Variants in SPOCK3 observed in about 807,000 individuals in gnomAD.
SPOCK3 encodes the protein SPARC (osteonectin), cwcv and kazal like domains proteoglycan 3.
A neutral mutation model predicts 56.6 loss-of-function variants in SPOCK3; 30 were observed. The ratio of observed to expected loss-of-function variants is 0.53; its 90% CI spans 0.40 to 0.72. The LOEUF is 0.72. Among genes scored for constraint, SPOCK3 ranks in the 30% least tolerant of loss-of-function variants. The probability of loss-of-function intolerance (pLI) is 0.00; values close to 1 mark genes in which losing one functional copy is unlikely to be tolerated. For missense variants in SPOCK3, 527 were observed against 530.0 expected, an observed-to-expected ratio of 0.99 and a Z score of 0.06; for synonymous variants, 196 against 183.3, an observed-to-expected ratio of 1.07 and a Z score of -0.56.
At chr4:167,068,929 T>A (rs1224175780) in intron 2 of SPOCK3, among the ~76,000 whole-genome samples, 1 of 151,944 alleles carries the variant, frequency 6.6e-6, no homozygotes. Context: ...GAAGTCTTCA[T>A]GGTGAACCTA....
chr4:167,018,768 TG>T (rs1750891906), intron 3 of SPOCK3, among the ~76,000 whole-genome samples: 1 of 151,998 alleles, frequency 6.6e-6, no homozygotes, highest in African/African-American at 2.4e-5. Context: ...TTGGTCCATT[TG>T]GAATAGCTTC....
chr4:167,076,469 A>G (rs1757195372), intron 2 of SPOCK3, among the ~76,000 whole-genome samples: 1 of 151,848 alleles, frequency 6.6e-6, no homozygotes, highest in Non-Finnish European at 1.5e-5. Context: ...TCTAAAAAAA[A>G]GAAAAGTCTA....
At chr4:166,961,223 T>C (rs10029747) in intron 4 of SPOCK3, among the ~76,000 whole-genome samples, 1,743 of 150,688 alleles carry the variant, frequency 0.012, 36 homozygotes, top group African/African-American at 0.041. Flanking sequence ...AAAAAACCTT[T>C]AAATACGTGA....
chr4:167,068,871 G>A (rs1756407643), intron 2 of SPOCK3, among the ~76,000 whole-genome samples: 1 of 151,886 alleles, frequency 6.6e-6, no homozygotes, highest in African/African-American at 2.4e-5. Context: ...TTCAAAGCAT[G>A]ATGGGAGCAA....
chr4:166,913,179 G>C lies in SPOCK3; in HGVS notation c.351-436C>G, dbSNP rs919015977. On this transcript the variant is annotated intron_variant, in intron 4 of 10. Coordinates refer to ENST00000357545, the MANE Select transcript of SPOCK3 (RefSeq NM_001040159.2). ...TAAAAGTAAGAGTGGCTTACTTTTAGAGAAAACAGAAATAAAGAATTACAA... is the reference window on the plus strand; with the variant it reads ...TAAAAGTAAGAGTGGCTTACTTTTACAGAAAACAGAAATAAAGAATTACAA... 2.6e-5 allele frequency among the ~76,000 whole-genome samples: 4 copies of C among 152,096 alleles called. No individual in the cohort carries two copies. The East Asian group carries it at 7.7e-4, about 29-fold the overall frequency.
At position 167,159,739 on chromosome 4, in the gene SPOCK3, C is replaced by T. The variant is rs755626925; in HGVS notation, c.189+74246G>A. Among the ~76,000 whole-genome samples, 20 of 152,128 alleles carry T rather than the reference C, an allele frequency of 1.3e-4. 1 individual carries two copies. Among genetic ancestry groups the T allele is most frequent in the African/African-American group, 2.4e-4 (10 of 41,534 alleles). Reference sequence around the variant, plus strand: ...TGGGATGCAAGGCTGATTCAACATACGCAAATCAATAAATGTAATCCAGCA... The same window carrying T: ...TGGGATGCAAGGCTGATTCAACATATGCAAATCAATAAATGTAATCCAGCA... On this transcript the variant is annotated intron_variant, in intron 2 of 10. Transcript: ENST00000357545.
At chr4:167,040,342 C>T (rs1753137719) in intron 3 of SPOCK3, among the ~76,000 whole-genome samples, 1 of 152,102 alleles carries the variant, frequency 6.6e-6, no homozygotes, top group Non-Finnish European at 1.5e-5. Flanking sequence ...GGATGTACCA[C>T]TTAATATAAA....
intron 2 of SPOCK3, among the ~76,000 whole-genome samples, chr4:167,097,740 GCA>G (rs1319419833): frequency 6.6e-6 from 1 of 151,726 alleles, no homozygotes; most frequent in Admixed American, 6.6e-5. Context: ...AAAAAGACAT[GCA>G]CACTCATGTC....
Position 166,840,778 on chromosome 4 carries a change from T to G in SPOCK3, c.589+48352A>C, listed in dbSNP as rs962642583. On this transcript the variant is annotated intron_variant, in intron 6 of 10. Transcript: ENST00000357545. ...ATCTTCCCAGAAGCAAAAGTTTTTTTTTTTTTTTTTTTTTTTTTTAGATGC... is the reference window on the plus strand; with the variant it reads ...ATCTTCCCAGAAGCAAAAGTTTTTTGTTTTTTTTTTTTTTTTTTTAGATGC... Among the ~76,000 whole-genome samples, 182 of 137,742 alleles carry G rather than the reference T, an allele frequency of 1.3e-3. 1 individual carries two copies. The highest frequency in any genetic ancestry group is 2.2e-3 in the Non-Finnish European group (144 of 64,482). The allele number at this position is 137,742 out of a possible 152,430, so 90.4% of individuals were successfully genotyped here.
chr4:166,738,966 G>C (rs1048095809), intron 9 of SPOCK3, among the ~76,000 whole-genome samples: 20 of 152,058 alleles, frequency 1.3e-4, no homozygotes, highest in African/African-American at 4.3e-4. Context: ...ATGATTTATA[G>C]TCCTTTGGGT....
chr4:166,886,456 A>G (rs1734209769), intron 6 of SPOCK3, among the ~76,000 whole-genome samples: 2 of 152,108 alleles, frequency 1.3e-5, no homozygotes, highest in Admixed American at 6.6e-5. Context: ...AGGGTTTAAA[A>G]CATGGAATTT....
At chr4:166,812,313 A>C (rs1223780348) in intron 6 of SPOCK3, among the ~76,000 whole-genome samples, 1 of 151,934 alleles carries the variant, frequency 6.6e-6, no homozygotes, top group Non-Finnish European at 1.5e-5. Flanking sequence ...GGTCTTCAAT[A>C]TTCTAACAAA....
chr4:167,010,692 T>C (rs1749950651), intron 3 of SPOCK3, among the ~76,000 whole-genome samples: 1 of 152,000 alleles, frequency 6.6e-6, no homozygotes, highest in South Asian at 2.1e-4. Context: ...AGGGGGAAAG[T>C]ATACCGACGG....
At chr4:166,981,894 G>T (rs755107999) in intron 4 of SPOCK3, among the ~76,000 whole-genome samples, 6 of 152,192 alleles carry the variant, frequency 3.9e-5, no homozygotes, top group Non-Finnish European at 8.8e-5. Context: ...AGGCTGGTGT[G>T]TCAGCACCAC....
chr4:166,977,358 G>A (rs1158875770), intron 4 of SPOCK3, among the ~76,000 whole-genome samples: 1 of 151,982 alleles, frequency 6.6e-6, no homozygotes, highest in African/African-American at 2.4e-5. Flanking sequence ...ACAAAATGAT[G>A]AAGACCAAAA....
chr4:167,143,086 G>C (rs1763664090), intron 2 of SPOCK3, among the ~76,000 whole-genome samples: 1 of 151,920 alleles, frequency 6.6e-6, no homozygotes, highest in African/African-American at 2.4e-5. Flanking sequence ...TAGAGACAGA[G>C]ACTTATTTTA....
chr4:167,076,991 C>T lies in SPOCK3; in HGVS notation c.190-14454G>A, dbSNP rs576343627. Among the ~76,000 whole-genome samples the T allele has an allele frequency of 5.3e-5, 8 of 151,860 alleles. No homozygotes were observed. In the East Asian group the frequency reaches 1.4e-3, roughly 26 times the overall value. On this transcript the variant is annotated intron_variant, in intron 2 of 10. Coordinates refer to ENST00000357545, the MANE Select transcript of SPOCK3 (RefSeq NM_001040159.2). ...AAAATGAATATCTGGCAATCTGAGA[C>T]TTATGTGTAAAACTATGCATGGAAT...
At chr4:167,212,142 T>C (rs558050915) in intron 2 of SPOCK3, among the ~76,000 whole-genome samples, 1 of 152,294 alleles carries the variant, frequency 6.6e-6, no homozygotes, top group Non-Finnish European at 1.5e-5. Flanking sequence ...CCAGTTCTAA[T>C]ATATGCCTTT....
At chr4:166,768,545 T>C (rs10024175) in intron 7 of SPOCK3, among the ~76,000 whole-genome samples, 50,239 of 152,126 alleles carry the variant, frequency 0.33, 8,465 homozygotes, top group Admixed American at 0.42. Flanking sequence ...AGAGCTTCTG[T>C]CAAGAGATCT....
Sources: gnomAD v4.1 joint callset for allele counts (sites outside exome capture counted in the v4.1 genomes callset) on GRCh38, gnomAD v4.1.1 for gene constraint, MANE v1.5 for transcripts, NCBI Gene and HGNC (gene_info 2026-07-23, HGNC 2026-07-21) for gene names.